MACROD2: variants seen among roughly 807,000 people sequenced by gnomAD.
MACROD2 encodes mono-ADP ribosylhydrolase 2.
MACROD2 carries 36 observed loss-of-function variants against 70.4 expected under a neutral mutation model. The ratio of observed to expected loss-of-function variants is 0.51; its 90% CI spans 0.39 to 0.68. MACROD2 has a LOEUF of 0.68. Ranked by LOEUF, MACROD2 falls within the 30% of genes least tolerant of loss-of-function variation. The probability of loss-of-function intolerance (pLI) is 0.00; values close to 1 mark genes in which losing one functional copy is unlikely to be tolerated. For missense variants in MACROD2, 496 were observed against 538.4 expected, an observed-to-expected ratio of 0.92 and a Z score of 0.78; for synonymous variants, 172 against 178.8, an observed-to-expected ratio of 0.96 and a Z score of 0.30.
intron 3 of MACROD2, among the ~76,000 whole-genome samples, chr20:14,210,056 T>A (rs1403467450): frequency 6.6e-6 from 1 of 152,194 alleles, no homozygotes; most frequent in African/African-American, 2.4e-5. Context: ...AAAGCTCATA[T>A]TGAGGGAAGA....
chr20:14,131,217 A>T (rs1569171992), intron 3 of MACROD2, among the ~76,000 whole-genome samples: 1 of 152,306 alleles, frequency 6.6e-6, no homozygotes, highest in East Asian at 1.9e-4. Flanking sequence ...TCACTTGAGC[A>T]GGGGATAAAG....
chr20:14,356,149 C>T (rs934660392), intron 3 of MACROD2, among the ~76,000 whole-genome samples: 1 of 152,132 alleles, frequency 6.6e-6, no homozygotes, highest in Non-Finnish European at 1.5e-5. Flanking sequence ...GGGTAAATTA[C>T]TTAATCTCTG....
chr20:14,386,801 T>C (rs1018042103), intron 3 of MACROD2, among the ~76,000 whole-genome samples: 4 of 152,212 alleles, frequency 2.6e-5, no homozygotes, highest in African/African-American at 9.6e-5. Flanking sequence ...GGTGTTTCTT[T>C]GTAGCAGTGC....
intron 8 of MACROD2, among the ~76,000 whole-genome samples, chr20:15,533,268 C>T (rs906482374): frequency 1.3e-5 from 2 of 152,032 alleles, no homozygotes; most frequent in African/African-American, 4.8e-5. Context: ...TTGGGAAGAA[C>T]AATTTTGGTG....
chr20:15,636,089 A>AAAAAAAAAAAAAAAAAG (rs1459679844), intron 8 of MACROD2, among the ~76,000 whole-genome samples: 2 of 135,014 alleles, frequency 1.5e-5, no homozygotes, highest in East Asian at 2.5e-4. Flanking sequence ...AAAAAAAAAA[A>AAAAAAAAAAAAAAAAAG]AAAGAAAGAA....
At chr20:15,208,096 C>T (rs553732717) in intron 5 of MACROD2, among the ~76,000 whole-genome samples, 29 of 149,770 alleles carry the variant, frequency 1.9e-4, no homozygotes, top group Non-Finnish European at 2.8e-4. Flanking sequence ...TTTTTTTTGA[C>T]GTTTGTTTAG....
intron 5 of MACROD2, among the ~76,000 whole-genome samples, chr20:15,130,938 C>T (rs1241500065): frequency 6.6e-6 from 1 of 152,006 alleles, no homozygotes; most frequent in Non-Finnish European, 1.5e-5. Flanking sequence ...TGAAGCAGAC[C>T]TTGGCATAAA....
At chr20:14,375,490 A>G (rs1032040852) in intron 3 of MACROD2, among the ~76,000 whole-genome samples, 5 of 152,174 alleles carry the variant, frequency 3.3e-5, no homozygotes, top group Admixed American at 1.3e-4. Flanking sequence ...GCTCTTGATC[A>G]CATACTATAA....
intron 4 of MACROD2, among the ~76,000 whole-genome samples, chr20:14,571,009 T>G (rs559688431): frequency 6.6e-6 from 1 of 152,050 alleles, no homozygotes; most frequent in Non-Finnish European, 1.5e-5. Flanking sequence ...AAGCACTTGT[T>G]AAGAATGCAG....
chr20:15,430,178 T>C (rs1018795525), intron 6 of MACROD2, among the ~76,000 whole-genome samples: 11 of 152,046 alleles, frequency 7.2e-5, no homozygotes, highest in Non-Finnish European at 1.5e-4. Context: ...GACACTTAGG[T>C]TGACTCCATA....
intron 8 of MACROD2, among the ~76,000 whole-genome samples, chr20:15,572,428 T>C (rs2048388137): frequency 6.6e-6 from 1 of 152,120 alleles, no homozygotes; most frequent in Admixed American, 6.6e-5. Flanking sequence ...TTTCCAAAGT[T>C]AATTTCTGAA....
intron 6 of MACROD2, among the ~76,000 whole-genome samples, chr20:15,377,182 G>A (rs1038477444): frequency 2.6e-5 from 4 of 152,206 alleles, no homozygotes; most frequent in East Asian, 3.9e-4. Context: ...AAGCCACCAC[G>A]TCAGGCCTCT....
chr20:15,075,785 G>T (rs887720111), intron 5 of MACROD2, among the ~76,000 whole-genome samples: 1 of 152,084 alleles, frequency 6.6e-6, no homozygotes, highest in African/African-American at 2.4e-5. Flanking sequence ...GCTTAGACTC[G>T]TCATGGCAGG....
At chr20:15,413,870 G>A (rs1408869378) in intron 6 of MACROD2, among the ~76,000 whole-genome samples, 2 of 152,076 alleles carry the variant, frequency 1.3e-5, no homozygotes, top group Non-Finnish European at 2.9e-5. Flanking sequence ...CGATACCTTA[G>A]CTTTTGTCTT....
chr20:15,349,356 T>G (rs142522795), intron 6 of MACROD2, among the ~76,000 whole-genome samples: 1 of 152,212 alleles, frequency 6.6e-6, no homozygotes, highest in Non-Finnish European at 1.5e-5. Flanking sequence ...ATTACCTAGG[T>G]AAGCTGGCAC....
intron 8 of MACROD2, among the ~76,000 whole-genome samples, chr20:15,537,857 T>A (rs965933924): frequency 6.6e-6 from 1 of 152,148 alleles, no homozygotes; most frequent in Non-Finnish European, 1.5e-5. Context: ...ACGACCCCAG[T>A]CATATGCTTT....
chr20:14,168,730 CT>C (rs1462204604), intron 3 of MACROD2, among the ~76,000 whole-genome samples: 2 of 151,886 alleles, frequency 1.3e-5, no homozygotes, highest in Admixed American at 1.3e-4. Context: ...ATCTTTCCCC[CT>C]TGCCTTTTAC....
chr20:14,027,074 C>T (rs1380486601), intron 2 of MACROD2, among the ~76,000 whole-genome samples: 1 of 152,194 alleles, frequency 6.6e-6, no homozygotes, highest in Non-Finnish European at 1.5e-5. Context: ...GTTCCATTCT[C>T]CCTTCACTTT....
chr20:14,766,640 A>G (rs879267149), intron 5 of MACROD2, among the ~76,000 whole-genome samples: 2 of 152,136 alleles, frequency 1.3e-5, no homozygotes, highest in Non-Finnish European at 2.9e-5. Context: ...AGAAAAAGAA[A>G]AATGGTTGCT....
Sources: gnomAD v4.1 joint callset for allele counts (sites outside exome capture counted in the v4.1 genomes callset) on GRCh38, gnomAD v4.1.1 for gene constraint, MANE v1.5 for transcripts, NCBI Gene and HGNC (gene_info 2026-07-23, HGNC 2026-07-21) for gene names.